KCNK5: variants seen among roughly 807,000 people sequenced by gnomAD.
KCNK5 encodes the protein potassium two pore domain channel subfamily K member 5.
In KCNK5, 18 loss-of-function variants were observed where a neutral mutation model predicts 32.9. That is an observed-to-expected ratio of 0.55 (90% CI 0.38 to 0.81). The LOEUF is 0.81. KCNK5 is among the 30% of genes least tolerant of loss of function. The probability of loss-of-function intolerance (pLI) is 0.00; values close to 1 mark genes in which losing one functional copy is unlikely to be tolerated. For missense variants in KCNK5, 507 were observed against 651.0 expected, an observed-to-expected ratio of 0.78 and a Z score of 2.41; for synonymous variants, 276 against 275.3, an observed-to-expected ratio of 1.00 and a Z score of -0.03.
chr6:39,204,134 T>C (rs1362212427), intron 1 of KCNK5, among the ~76,000 whole-genome samples: 1 of 152,286 alleles, frequency 6.6e-6, no homozygotes, highest in Non-Finnish European at 1.5e-5. Context: ...AGAGCTGGGC[T>C]GTTGCAAAGC....
At chr6:39,215,970 T>C (rs535831576) in intron 1 of KCNK5, among the ~76,000 whole-genome samples, 27 of 152,288 alleles carry the variant, frequency 1.8e-4, no homozygotes, top group African/African-American at 6.5e-4. Flanking sequence ...GCCACTTATA[T>C]AGCCAAAATG....
chr6:39,199,523 C>T (rs564528265), intron 1 of KCNK5, among the ~76,000 whole-genome samples: 37 of 152,314 alleles, frequency 2.4e-4, no homozygotes, highest in African/African-American at 7.7e-4. Context: ...CCTAACTCCC[C>T]GGGGCTGCAA....
chr6:39,215,514 A>T (rs1256297013), intron 1 of KCNK5, among the ~76,000 whole-genome samples: 1 of 152,204 alleles, frequency 6.6e-6, no homozygotes, highest in African/African-American at 2.4e-5. Context: ...CACTGGGGGC[A>T]TGAGAGGAGC....
At chr6:39,204,719 T>C (rs896134014) in intron 1 of KCNK5, among the ~76,000 whole-genome samples, 1 of 152,178 alleles carries the variant, frequency 6.6e-6, no homozygotes, top group African/African-American at 2.4e-5. Context: ...TCTCCCTCAT[T>C]AGGGACTTGA....
chr6:39,192,153 G>C (rs1160228325), intron 4 of KCNK5, among the ~76,000 whole-genome samples: 2 of 151,902 alleles, frequency 1.3e-5, no homozygotes, highest in East Asian at 1.9e-4. Flanking sequence ...AATTAGCCAG[G>C]TATGGTGGCG....
chr6:39,210,843 G>C (rs1177414853), intron 1 of KCNK5, among the ~76,000 whole-genome samples: 1 of 152,146 alleles, frequency 6.6e-6, no homozygotes, highest in South Asian at 2.1e-4. Context: ...CCAAGCAATG[G>C]AGCATGAAGC....
At position 39,229,066 on chromosome 6, in the gene KCNK5, G is replaced by A. The variant is rs748059487; in HGVS notation, c.46C>T (p.Leu16=). 1.2e-6 allele frequency: 2 copies of A among 1,614,164 alleles called. No homozygotes were observed. Among genetic ancestry groups the A allele is most frequent in the Non-Finnish European group, 1.7e-6 (2 of 1,180,004 alleles). The change falls in exon 1 of 5, where the codon CTG becomes TTG. Residue 16 remains leucine, a synonymous_variant. Coordinates refer to ENST00000359534, the MANE Select transcript of KCNK5 (RefSeq NM_003740.4). ...TCGAAGATCGCCGCCCCGATGGCCAGGTAGAAGATGATGGCCGAGGTGAGC... is the reference window on the plus strand; with the variant it reads ...TCGAAGATCGCCGCCCCGATGGCCAAGTAGAAGATGATGGCCGAGGTGAGC... ...PLLTSAIIFY[L]AIGAAIFEVL... is the part of the protein sequence containing the mutation.
rs890501638 is a variant in KCNK5, at chr6:39,194,426, G to A, written c.466-89C>T. On this transcript the variant is annotated intron_variant, in intron 3 of 4. Transcript: ENST00000359534. This position sits in a 1 kb window ranked among gnomAD's most constrained non-coding sequence, Gnocchi z 4.7. ...CAGAGGGCCAGGGAGGCAGCTAGAG[G>A]AGAAGCTAGCTGGGTACCCAGCCTG... 4.7e-6 allele frequency: 7 copies of A among 1,478,400 alleles called. No individual in the cohort carries two copies. The highest frequency in any genetic ancestry group is 1.3e-5 in the South Asian group (1 of 76,076). The allele number at this position is 1,478,400 out of a possible 1,614,324, so 91.6% of individuals were successfully genotyped here.
intron 1 of KCNK5, among the ~76,000 whole-genome samples, chr6:39,215,825 C>T (rs1204671155): frequency 2.6e-5 from 4 of 152,172 alleles, no homozygotes; most frequent in African/African-American, 7.2e-5. Flanking sequence ...TCTCAGGGTC[C>T]CCTGACCACA....
In KCNK5 at chr6:39,229,463, A is replaced by C. The variant is rs367544267; in HGVS notation, c.-352T>G. ...TCCACGCGTCGCTCCTCCGCGCGCC[A>C]CTAGCAGTATGCGCCGCGCCCGCCT... On this transcript the variant is annotated 5_prime_UTR_variant, in exon 1 of 5. Transcript: ENST00000359534. The C allele has an allele frequency of 6.1e-4, 153 of 249,306 alleles. 4 individuals are homozygous for C. In the East Asian group the frequency reaches 8.8e-3, roughly 14 times the overall value. 15.4% of individuals were successfully genotyped at this position (249,306 alleles called of 1,614,324 possible).
intron 1 of KCNK5, among the ~76,000 whole-genome samples, chr6:39,227,251 G>C (rs1200408853): frequency 6.6e-6 from 1 of 152,102 alleles, no homozygotes; most frequent in Non-Finnish European, 1.5e-5. Context: ...TTCGAGGGCA[G>C]CTCAAGGCTT....
At chr6:39,226,001 A>C (rs1048826278) in intron 1 of KCNK5, among the ~76,000 whole-genome samples, 1 of 152,228 alleles carries the variant, frequency 6.6e-6, no homozygotes, top group African/African-American at 2.4e-5. Flanking sequence ...CATCTTGCCT[A>C]ATGTTTCTAC....
chr6:39,222,739 G>C (rs540340346), intron 1 of KCNK5, among the ~76,000 whole-genome samples: 2 of 152,146 alleles, frequency 1.3e-5, no homozygotes, highest in Non-Finnish European at 2.9e-5. Context: ...ATTTTTAATT[G>C]AGGAAACTCC....
rs1302383527 is a variant in KCNK5 at position 39,229,443 on chromosome 6, G to A, written c.-332C>T. ...GCAGACACGTGGGCCGCTTCTCCACGCGTCGCTCCTCCGCGCGCCACTAGC... is the reference window on the plus strand; with the variant it reads ...GCAGACACGTGGGCCGCTTCTCCACACGTCGCTCCTCCGCGCGCCACTAGC... On this transcript the variant is annotated 5_prime_UTR_variant, in exon 1 of 5. Transcript: ENST00000359534. 1.4e-5 allele frequency: 4 copies of A among 276,816 alleles called. No individual in the cohort carries two copies. The highest frequency in any genetic ancestry group is 5.3e-5 in the South Asian group (1 of 18,888). 17.1% of individuals were successfully genotyped at this position (276,816 alleles called of 1,614,324 possible).
rs568713963 is a variant in KCNK5 at position 39,221,248 on chromosome 6, T to C, written c.186+7678A>G. 3.9e-5 allele frequency among the ~76,000 whole-genome samples: 6 copies of C among 152,272 alleles called. No homozygotes were observed. In the South Asian group the frequency reaches 1.2e-3, roughly 32 times the overall value. On this transcript the variant is annotated intron_variant, in intron 1 of 4. Transcript: ENST00000359534. ...CAGTGAGATGATGCACATCAGTGGC[T>C]CCCACAGCCTGTGGCCCCCACAGCC...
At chr6:39,203,028 T>C (rs1223543094) in intron 1 of KCNK5, among the ~76,000 whole-genome samples, 1 of 152,190 alleles carries the variant, frequency 6.6e-6, no homozygotes, top group Non-Finnish European at 1.5e-5. Flanking sequence ...TTCACACGTG[T>C]GTCCGTCAGG....
chr6:39,223,989 C>T (rs1038172735), intron 1 of KCNK5, among the ~76,000 whole-genome samples: 1 of 151,992 alleles, frequency 6.6e-6, no homozygotes, highest in Non-Finnish European at 1.5e-5. Flanking sequence ...TGTAATCATC[C>T]TAAGGGTTCT....
rs1162048087 is a variant in KCNK5, at chr6:39,194,175, C to T, written c.628G>A (p.Val210Met). The T allele has an allele frequency of 6.2e-7, 1 of 1,614,080 alleles. No homozygotes were observed. The change falls in exon 4 of 5, where the codon GTG (valine) becomes ATG (methionine). Residue 210 changes from valine (V) to methionine (M), a missense_variant. Val to Met is a conservative substitution (Grantham distance 21, BLOSUM62 1). Around this residue, in one of 6 missense-constraint regions of KCNK5, gnomAD observed 45 missense variants for 107.6 expected, o/e 0.42. Coordinates refer to ENST00000359534, the MANE Select transcript of KCNK5 (RefSeq NM_003740.4). The surrounding 1 kb of genome is among the most constrained non-coding windows in gnomAD (Gnocchi z 4.7). ...TISTIGFGDFVAGVNPSANYH... is the reference protein window; with the variant it reads ...TISTIGFGDFMAGVNPSANYH... ...GGCAGAGGCAGGGACTCACCGGCCA[C>T]AAAGTCACCGAAGCCGATGGTGGAG...
At chr6:39,209,178 C>T (rs1771282439) in intron 1 of KCNK5, among the ~76,000 whole-genome samples, 1 of 152,174 alleles carries the variant, frequency 6.6e-6, no homozygotes, top group African/African-American at 2.4e-5. Context: ...TCAGTTACCC[C>T]AGGGGCTCTG....
Sources: gnomAD v4.1 joint callset for allele counts (sites outside exome capture counted in the v4.1 genomes callset) on GRCh38, gnomAD v4.1.1 for gene constraint, gnomAD v4.1.1 regional missense constraint, Gnocchi (gnomAD v3.1) non-coding constraint, MANE v1.5 for transcripts, NCBI Gene and HGNC (gene_info 2026-07-23, HGNC 2026-07-21) for gene names.